MACROD2: variants seen among roughly 807,000 people sequenced by gnomAD.
The protein encoded by MACROD2 is mono-ADP ribosylhydrolase 2.
MACROD2 carries 36 observed loss-of-function variants against 70.4 expected under a neutral mutation model. The observed-to-expected ratio is 0.51, with a 90% CI of 0.39 to 0.68. The LOEUF (loss-of-function observed/expected upper bound fraction) is 0.68, where lower values mean the gene tolerates loss of function less well. Among genes scored for constraint, MACROD2 ranks in the 30% least tolerant of loss-of-function variants. MACROD2 has a pLI of 0.00. For synonymous variants in MACROD2, 172 were observed against 178.8 expected (o/e 0.96, Z 0.30); for missense variants, 496 against 538.4 (o/e 0.92, Z 0.78).
At chr20:14,373,957 T>C (rs2083349528) in intron 3 of MACROD2, among the ~76,000 whole-genome samples, 1 of 152,192 alleles carries the variant, frequency 6.6e-6, no homozygotes, top group Non-Finnish European at 1.5e-5. Flanking sequence ...TGTGAATTTG[T>C]TCCTAAGAAT....
At chr20:15,300,297 C>CTGCT (rs2077629982) in intron 6 of MACROD2, among the ~76,000 whole-genome samples, 1 of 152,168 alleles carries the variant, frequency 6.6e-6, no homozygotes, top group Admixed American at 6.5e-5. Flanking sequence ...TGATTCCAAA[C>CTGCT]TTAGCTGCAT....
intron 3 of MACROD2, among the ~76,000 whole-genome samples, chr20:14,282,567 GCCA>G (rs2082314686): frequency 1.3e-5 from 2 of 152,198 alleles, no homozygotes; most frequent in African/African-American, 4.8e-5. Context: ...CTTGTATTCG[GCCA>G]TTCTTGGATT....
chr20:15,987,096 T>C lies in MACROD2; in HGVS notation c.1091T>C (p.Ile364Thr), dbSNP rs879054526. Residue 364 changes from isoleucine to threonine, a missense_variant, in exon 15 of 18, where the codon ATT (isoleucine) becomes ACT (threonine). Physicochemically the swap from Ile to Thr is moderately conservative, Grantham distance 89. Coordinates refer to ENST00000684519, the MANE Select transcript of MACROD2 (RefSeq NM_001351661.2). The part of the protein sequence containing the change: ...ELSSNQEDAV[I>T]VEQPEVIPLT... ...TCATCAAACCAAGAAGATGCCGTGATTGTGGAGCAACCAGAAGTGATTCCA... is the reference window on the plus strand; with the variant it reads ...TCATCAAACCAAGAAGATGCCGTGACTGTGGAGCAACCAGAAGTGATTCCA... 6.2e-7 allele frequency: 1 copy of C among 1,611,902 alleles called. No homozygotes were observed. The highest frequency in any genetic ancestry group is 1.1e-5 in the South Asian group (1 of 90,522).
intron 4 of MACROD2, among the ~76,000 whole-genome samples, chr20:14,500,003 C>A (rs1374776750): frequency 6.6e-6 from 1 of 152,114 alleles, no homozygotes; most frequent in Non-Finnish European, 1.5e-5. Context: ...CAAAGGAAGT[C>A]AACAGCTTAT....
At chr20:15,711,442 A>G (rs915293016) in intron 8 of MACROD2, among the ~76,000 whole-genome samples, 2 of 152,184 alleles carry the variant, frequency 1.3e-5, no homozygotes, top group Admixed American at 6.5e-5. Flanking sequence ...CAGACTAACC[A>G]AGCCTTAACT....
intron 6 of MACROD2, among the ~76,000 whole-genome samples, chr20:15,418,875 C>G (rs1352867237): frequency 3.9e-5 from 6 of 152,094 alleles, no homozygotes; most frequent in African/African-American, 1.4e-4. Context: ...AAAGATTTAC[C>G]TGCTTTTCCT....
chr20:14,027,942 T>A (rs1243680776), intron 2 of MACROD2, among the ~76,000 whole-genome samples: 1 of 152,216 alleles, frequency 6.6e-6, no homozygotes, highest in African/African-American at 2.4e-5. Context: ...GTGAGGGCTG[T>A]GCTGGGAGAT....
At chr20:14,097,907 C>A (rs1010791171) in intron 3 of MACROD2, among the ~76,000 whole-genome samples, 3 of 152,138 alleles carry the variant, frequency 2.0e-5, no homozygotes, top group Non-Finnish European at 4.4e-5. Flanking sequence ...TGTCAGGAAG[C>A]AAAGATGTCA....
chr20:14,009,414 A>G (rs1015010464), intron 2 of MACROD2, among the ~76,000 whole-genome samples: 5 of 152,216 alleles, frequency 3.3e-5, no homozygotes, highest in Admixed American at 2.6e-4. Flanking sequence ...TCAAAACCAC[A>G]ATGTGATACC....
At chr20:15,515,439 T>C (rs1377486004) in intron 8 of MACROD2, among the ~76,000 whole-genome samples, 4 of 152,228 alleles carry the variant, frequency 2.6e-5, no homozygotes, top group Non-Finnish European at 5.9e-5. Context: ...TCCTGTTATC[T>C]CTGCTCAAAT....
chr20:14,162,162 T>C (rs2055199976), intron 3 of MACROD2, among the ~76,000 whole-genome samples: 1 of 152,328 alleles, frequency 6.6e-6, no homozygotes, highest in Non-Finnish European at 1.5e-5. Flanking sequence ...TTAATTTCTA[T>C]GTGTTTGTAT....
At chr20:14,165,202 C>G (rs2148720242) in intron 3 of MACROD2, among the ~76,000 whole-genome samples, 1 of 152,290 alleles carries the variant, frequency 6.6e-6, no homozygotes, top group Non-Finnish European at 1.5e-5. Flanking sequence ...TGGAGCAATA[C>G]TATTGCACAG....
chr20:14,575,402 C>A (rs1472277622), intron 4 of MACROD2, among the ~76,000 whole-genome samples: 2 of 152,106 alleles, frequency 1.3e-5, no homozygotes, highest in East Asian at 3.9e-4. Flanking sequence ...CCCGTAACCT[C>A]TGGAAAACAC....
chr20:14,020,135 GTGATT>G (rs1452355493), intron 2 of MACROD2, among the ~76,000 whole-genome samples: 2 of 152,190 alleles, frequency 1.3e-5, no homozygotes, highest in African/African-American at 4.8e-5. Flanking sequence ...CTCAGGCTTT[GTGATT>G]TGCAATCTGG....
At chr20:14,348,222 T>C (rs1203353336) in intron 3 of MACROD2, among the ~76,000 whole-genome samples, 5 of 149,822 alleles carry the variant, frequency 3.3e-5, no homozygotes, top group Non-Finnish European at 7.4e-5. Flanking sequence ...TGAGCTGAGA[T>C]TGTGCCATTG....
chr20:14,524,724 C>T (rs906192672), intron 4 of MACROD2, among the ~76,000 whole-genome samples: 1 of 152,186 alleles, frequency 6.6e-6, no homozygotes, highest in African/African-American at 2.4e-5. Context: ...ATTTAGAACA[C>T]TCACCCCACC....
chr20:15,307,107 C>CTGGGGA lies in MACROD2; in HGVS notation c.540+77047_540+77048insGGGGAT, dbSNP rs1251151789. ...CCAAACACCTCCCACTAGGCCCCCA[C>CTGGGGA]TCCAACACTGGGGATCACATTTCAA... On this transcript the variant is annotated intron_variant, in intron 6 of 17. Transcript: ENST00000684519. Among the ~76,000 whole-genome samples, 8 of 152,178 alleles carry CTGGGGA rather than the reference C, an allele frequency of 5.3e-5. 1 individual carries two copies. Among genetic ancestry groups the CTGGGGA allele is most frequent in the Non-Finnish European group, 1.2e-4 (8 of 68,022 alleles).
At chr20:14,719,125 G>C (rs1286433484) in intron 5 of MACROD2, among the ~76,000 whole-genome samples, 1 of 152,016 alleles carries the variant, frequency 6.6e-6, no homozygotes, top group Non-Finnish European at 1.5e-5. Flanking sequence ...CCAGCTACTT[G>C]GGAGTCTGAG....
At chr20:15,750,560 C>CAAA (rs11464330) in intron 8 of MACROD2, among the ~76,000 whole-genome samples, 2 of 147,146 alleles carry the variant, frequency 1.4e-5, no homozygotes, top group African/African-American at 4.9e-5. Context: ...GGAGGTTCCT[C>CAAA]AAAAAAAAAA....
Sources: gnomAD v4.1 joint callset for allele counts (sites outside exome capture counted in the v4.1 genomes callset) on GRCh38, gnomAD v4.1.1 for gene constraint, MANE v1.5 for transcripts, NCBI Gene and HGNC (gene_info 2026-07-23, HGNC 2026-07-21) for gene names.